Variants in GALNTL6 observed in about 807,000 individuals in gnomAD.
The protein encoded by GALNTL6 is polypeptide N-acetylgalactosaminyltransferase-like 6.
In GALNTL6, 46 loss-of-function variants were observed where a neutral mutation model predicts 73.7. The observed-to-expected ratio is 0.62, with a 90% CI of 0.49 to 0.80. The LOEUF (loss-of-function observed/expected upper bound fraction) is 0.80. Ranked by LOEUF, GALNTL6 falls within the 30% of genes least tolerant of loss-of-function variation. GALNTL6 has a pLI of 0.00. For synonymous variants in GALNTL6, 259 were observed against 263.7 expected (o/e 0.98, Z 0.17); for missense variants, 604 against 755.0 (o/e 0.80, Z 2.34).
At chr4:172,613,853 C>G (rs1296265599) in intron 5 of GALNTL6, among the ~76,000 whole-genome samples, 2 of 152,092 alleles carry the variant, frequency 1.3e-5, no homozygotes, top group Non-Finnish European at 2.9e-5. Context: ...AAGCCTGAAA[C>G]CCCTTTGTCT....
chr4:172,618,965 G>A (rs1402090538), intron 5 of GALNTL6, among the ~76,000 whole-genome samples: 4 of 151,978 alleles, frequency 2.6e-5, no homozygotes, highest in Admixed American at 1.3e-4. Flanking sequence ...CTCATGATCC[G>A]CCTGCCTCGG....
intron 4 of GALNTL6, among the ~76,000 whole-genome samples, chr4:172,335,831 G>GT (rs1273246518): frequency 1.3e-5 from 2 of 152,014 alleles, no homozygotes; most frequent in Non-Finnish European, 2.9e-5. Context: ...TTGAACCTCT[G>GT]TTTTTTCTTT....
At chr4:172,658,384 G>A (rs1242592211) in intron 5 of GALNTL6, among the ~76,000 whole-genome samples, 2 of 149,242 alleles carry the variant, frequency 1.3e-5, no homozygotes, top group Admixed American at 1.3e-4. Flanking sequence ...GGAGAATGGC[G>A]TGAATCCGGG....
At chr4:172,854,105 C>T (rs372366715) in intron 7 of GALNTL6, among the ~76,000 whole-genome samples, 3 of 152,270 alleles carry the variant, frequency 2.0e-5, no homozygotes, top group East Asian at 1.9e-4. Flanking sequence ...AAGTATACCA[C>T]ATGCATTCAC....
intron 3 of GALNTL6, among the ~76,000 whole-genome samples, chr4:172,309,676 AG>A (rs1740279646): frequency 6.6e-6 from 1 of 152,098 alleles, no homozygotes; most frequent in Non-Finnish European, 1.5e-5. Flanking sequence ...ATGAAGAAAG[AG>A]GAGGCAAAAA....
At chr4:171,954,020 C>A (rs1738969567) in intron 2 of GALNTL6, among the ~76,000 whole-genome samples, 1 of 152,106 alleles carries the variant, frequency 6.6e-6, no homozygotes, top group South Asian at 2.1e-4. Flanking sequence ...GGTTGATGTG[C>A]AAACCTTATG....
intron 4 of GALNTL6, among the ~76,000 whole-genome samples, chr4:172,323,190 AT>A (rs1740818021): frequency 1.3e-5 from 2 of 152,178 alleles, no homozygotes; most frequent in South Asian, 4.1e-4. Context: ...AAGTGAGCAA[AT>A]AAAGGGATAA....
At position 171,950,860 on chromosome 4, in the gene GALNTL6, C is replaced by T. The variant is rs557324925; in HGVS notation, c.138+136142C>T. 2.4e-4 allele frequency among the ~76,000 whole-genome samples: 37 copies of T among 151,600 alleles called. No homozygotes were observed. The South Asian group carries it at 5.2e-3, about 21-fold the overall frequency. On this transcript the variant is annotated intron_variant, in intron 2 of 12. Transcript: ENST00000506823. ...ATTACCTATGTTATTATTTCTAAGA[C>T]GCACATTAAATTATGGAATGGGTGT... is the stretch of plus-strand genomic sequence containing the variant.
chr4:172,229,633 T>G (rs1736984689), intron 2 of GALNTL6, 23 bp from the exon 3 acceptor site: 1 of 1,498,332 alleles, frequency 6.7e-7, no homozygotes, highest in African/African-American at 1.4e-5. Context: ...CTTTTTATGC[T>G]TGAATACTTT....
At chr4:171,903,872 C>A (rs1450823080) in intron 2 of GALNTL6, among the ~76,000 whole-genome samples, 1 of 152,124 alleles carries the variant, frequency 6.6e-6, no homozygotes, top group Non-Finnish European at 1.5e-5. Flanking sequence ...AGGCACCCCC[C>A]AGCAGGGGCA....
At chr4:171,873,014 A>G (rs573440433) in intron 2 of GALNTL6, among the ~76,000 whole-genome samples, 1 of 152,294 alleles carries the variant, frequency 6.6e-6, no homozygotes, top group African/African-American at 2.4e-5. Context: ...ATAAATCGTG[A>G]ATCCTGAGAT....
At chr4:172,475,789 C>T (rs1205110420) in intron 5 of GALNTL6, among the ~76,000 whole-genome samples, 2 of 152,144 alleles carry the variant, frequency 1.3e-5, no homozygotes, top group African/African-American at 4.8e-5. Flanking sequence ...GTGAAATCTC[C>T]AGATAACGAA....
chr4:171,845,609 G>T (rs1000833302), intron 2 of GALNTL6, among the ~76,000 whole-genome samples: 2 of 152,072 alleles, frequency 1.3e-5, no homozygotes, highest in Non-Finnish European at 2.9e-5. Context: ...GAAAGTAGAT[G>T]TGCTCTCTAC....
chr4:172,592,663 T>TCTGC (rs1372397750), intron 5 of GALNTL6, among the ~76,000 whole-genome samples: 1 of 145,228 alleles, frequency 6.9e-6, no homozygotes, highest in Non-Finnish European at 1.5e-5. Flanking sequence ...TATCTGTCTG[T>TCTGC]CTGTCTGTCT....
At chr4:172,474,457 T>C (rs1305163764) in intron 5 of GALNTL6, among the ~76,000 whole-genome samples, 6 of 152,230 alleles carry the variant, frequency 3.9e-5, no homozygotes, top group Non-Finnish European at 8.8e-5. Flanking sequence ...CCAAACTGTT[T>C]TGCCCATTGG....
At chr4:172,064,201 C>A (rs1731291755) in intron 2 of GALNTL6, among the ~76,000 whole-genome samples, 1 of 152,186 alleles carries the variant, frequency 6.6e-6, no homozygotes, top group African/African-American at 2.4e-5. Context: ...CCAAGAACAT[C>A]TATGCTAATT....
chr4:172,086,620 AC>A (rs1732042064), intron 2 of GALNTL6, among the ~76,000 whole-genome samples: 1 of 152,146 alleles, frequency 6.6e-6, no homozygotes, highest in Non-Finnish European at 1.5e-5. Flanking sequence ...CTCAATAGTA[AC>A]CCACAGAAGT....
chr4:172,665,703 T>A (rs890680850), intron 5 of GALNTL6, among the ~76,000 whole-genome samples: 8 of 152,246 alleles, frequency 5.3e-5, no homozygotes, highest in Non-Finnish European at 1.0e-4. Flanking sequence ...CTATTTTGCC[T>A]ATCATAAGAT....
At chr4:172,932,932 T>C (rs1748426178) in intron 9 of GALNTL6, among the ~76,000 whole-genome samples, 1 of 152,156 alleles carries the variant, frequency 6.6e-6, no homozygotes. Flanking sequence ...TAAATTAAAA[T>C]TTTAATTAGA....
Sources: gnomAD v4.1 joint callset for allele counts (sites outside exome capture counted in the v4.1 genomes callset) on GRCh38, gnomAD v4.1.1 for gene constraint, MANE v1.5 for transcripts, NCBI Gene and HGNC (gene_info 2026-07-23, HGNC 2026-07-21) for gene names.